The following CYRIA variants were observed in gnomAD, a reference collection of about 807,000 sequenced individuals.
CYRIA encodes the protein CYFIP-related Rac1 interactor A.
A neutral mutation model predicts 43.9 loss-of-function variants in CYRIA; 15 were observed. The ratio of observed to expected loss-of-function variants is 0.34; its 90% CI spans 0.23 to 0.53. CYRIA has a LOEUF of 0.53. Among genes scored for constraint, CYRIA ranks in the 20% least tolerant of loss-of-function variants. The probability of loss-of-function intolerance (pLI) is 0.94; values close to 1 mark genes in which losing one functional copy is unlikely to be tolerated. For missense variants in CYRIA, 236 were observed against 394.2 expected (o/e 0.60, Z 3.40); for synonymous variants, 117 against 136.0 (o/e 0.86, Z 0.97).
chr2:16,638,321 A>G (rs1356513243), intron 1 of CYRIA, among the ~76,000 whole-genome samples: 1 of 152,150 alleles, frequency 6.6e-6, no homozygotes, highest in Admixed American at 6.5e-5. Context: ...ACAGGAAATG[A>G]CGATTAAGTA....
At chr2:16,649,841 G>T (rs941287113) in intron 1 of CYRIA, among the ~76,000 whole-genome samples, 1 of 152,178 alleles carries the variant, frequency 6.6e-6, no homozygotes, top group Non-Finnish European at 1.5e-5. Context: ...GTTGCCAGAT[G>T]ACTTGGATGT....
chr2:16,639,523 G>A (rs1373545884), intron 1 of CYRIA, among the ~76,000 whole-genome samples: 1 of 152,256 alleles, frequency 6.6e-6, no homozygotes, highest in African/African-American at 2.4e-5. Context: ...GCAGCCTGCT[G>A]CCTAAGTACC....
chr2:16,638,136 G>T (rs1478495910), intron 1 of CYRIA, among the ~76,000 whole-genome samples: 1 of 152,164 alleles, frequency 6.6e-6, no homozygotes, highest in Non-Finnish European at 1.5e-5. Flanking sequence ...AGCCTTTGAG[G>T]TTCATTCAGA....
rs188903474 is a variant in CYRIA, at chr2:16,655,629, C to T, written c.-167+10151G>A. On this transcript the variant is annotated intron_variant, in intron 1 of 11. Transcript: ENST00000381323. ...TGAACCTGAAGGAGTTGTAAATGTG[C>T]GGCAACTGGAGCACGGCCTGATCAC... Among the ~76,000 whole-genome samples, 68 of 152,284 alleles carry T rather than the reference C, an allele frequency of 4.5e-4. 1 individual carries two copies. Among genetic ancestry groups the T allele is most frequent in the South Asian group, 2.1e-4 (1 of 4,824 alleles).
chr2:16,561,915 C>T, intron 6 of CYRIA, 90 bp downstream of exon 6: 1 of 1,287,714 alleles, frequency 7.8e-7, no homozygotes, highest in Non-Finnish European at 1.1e-6. Flanking sequence ...CATTTCTCTA[C>T]CCACCCACCC....
At chr2:16,562,571 G>A (rs1016652894) in intron 5 of CYRIA, among the ~76,000 whole-genome samples, 4 of 152,070 alleles carry the variant, frequency 2.6e-5, no homozygotes, top group African/African-American at 9.7e-5. Flanking sequence ...ACTTTTCTCT[G>A]CATCTACATT....
chr2:16,629,198 C>A (rs992944178), intron 1 of CYRIA, among the ~76,000 whole-genome samples: 4 of 152,154 alleles, frequency 2.6e-5, no homozygotes, highest in Non-Finnish European at 4.4e-5. Context: ...AGGGGACAGG[C>A]GCATCTCTAA....
chr2:16,590,197 A>G lies in CYRIA; in HGVS notation c.-10-2068T>C, dbSNP rs112741253. ...GCCTTTATGCCCATTTCCTTTTAAG[A>G]TATTTTTGAGCAAAATCCTGTGTGC... On this transcript the variant is annotated intron_variant, in intron 2 of 11. Transcript: ENST00000381323. Among the ~76,000 whole-genome samples the G allele has an allele frequency of 6.6e-3, 1,002 of 152,170 alleles. 6 individuals are homozygous for G. The highest frequency in any genetic ancestry group is 8.8e-3 in the Non-Finnish European group (597 of 67,980).
rs567968016 is a variant in CYRIA, at chr2:16,590,771, T to A, written c.-10-2642A>T. 5.9e-5 allele frequency among the ~76,000 whole-genome samples: 9 copies of A among 152,248 alleles called. No homozygotes were observed. In the East Asian group the frequency reaches 1.5e-3, roughly 26 times the overall value. On this transcript the variant is annotated intron_variant, in intron 2 of 11. Transcript: ENST00000381323. ...AAGTGTCACCTCTCAAGCAAGGACC[T>A]CTAGAACAATGACTGTGGACACTGT...
At chr2:16,603,343 A>G (rs1668273272) in intron 2 of CYRIA, among the ~76,000 whole-genome samples, 2 of 152,336 alleles carry the variant, frequency 1.3e-5, no homozygotes, top group East Asian at 3.9e-4. Context: ...CAACAACCAT[A>G]TGAAATAGTT....
intron 1 of CYRIA, among the ~76,000 whole-genome samples, chr2:16,634,428 C>T (rs1446364786): frequency 2.0e-5 from 3 of 152,194 alleles, no homozygotes; most frequent in African/African-American, 7.2e-5. Flanking sequence ...TAGTCCCTGC[C>T]CAAGAGACCA....
chr2:16,559,514 G>T lies in CYRIA; in HGVS notation c.783C>A (p.Ile261=). 1 of 1,613,240 alleles carries T rather than the reference G, an allele frequency of 6.2e-7. No homozygotes were observed. ...FCMRVMVGVI[I]LYDHVHPVGA... is the part of the protein sequence containing the mutation. Reference sequence around the variant, plus strand: ...CCACAGGGTGGACATGGTCATAGAGGATGATGACTCCCACCATCACCCTCA... The same window carrying T: ...CCACAGGGTGGACATGGTCATAGAGTATGATGACTCCCACCATCACCCTCA... Residue 261 remains isoleucine, a synonymous_variant, in exon 10 of 12, where the codon ATC becomes ATA. Transcript: ENST00000381323.
chr2:16,580,882 C>T (rs938264373), intron 3 of CYRIA, among the ~76,000 whole-genome samples: 1 of 152,122 alleles, frequency 6.6e-6, no homozygotes, highest in Non-Finnish European at 1.5e-5. Context: ...TCCACCTGTG[C>T]TACTACAATA....
rs192211283 is a variant in CYRIA, at chr2:16,584,777, C to T, written c.70+3273G>A. Among the ~76,000 whole-genome samples the T allele has an allele frequency of 6.8e-4, 104 of 152,284 alleles. 1 individual carries two copies. The highest frequency in any genetic ancestry group is 1.2e-3 in the Non-Finnish European group (81 of 68,020). Reference sequence around the variant, plus strand: ...CCTTTAATCATACTGTTTCCATCTGCTAAAAAACTCTCCCTATCTGTGCCT... The same window carrying T: ...CCTTTAATCATACTGTTTCCATCTGTTAAAAAACTCTCCCTATCTGTGCCT... On this transcript the variant is annotated intron_variant, in intron 3 of 11. Transcript: ENST00000381323.
At chr2:16,599,518 C>T (rs2103474387) in intron 2 of CYRIA, among the ~76,000 whole-genome samples, 1 of 124,170 alleles carries the variant, frequency 8.1e-6, no homozygotes, top group East Asian at 2.3e-4. Flanking sequence ...TCACCCCTTT[C>T]TTTGACTCGG....
chr2:16,560,622 ATCATG>A (rs1427435310), intron 9 of CYRIA: 1 of 235,470 alleles, frequency 4.2e-6, no homozygotes, highest in Non-Finnish European at 8.5e-6. Flanking sequence ...AAACAGTCTT[ATCATG>A]TCAACTCCTG....
At chr2:16,570,001 GAAGGCC>G (rs112164754) in intron 3 of CYRIA, among the ~76,000 whole-genome samples, 3,640 of 152,016 alleles carry the variant, frequency 0.024, 147 homozygotes, top group African/African-American at 0.083. Flanking sequence ...GATCTTTTGA[GAAGGCC>G]ATTGGAGACA....
chr2:16,618,683 G>C (rs1319937882), intron 2 of CYRIA, among the ~76,000 whole-genome samples: 4 of 152,210 alleles, frequency 2.6e-5, no homozygotes, highest in African/African-American at 9.6e-5. Context: ...GTTAGGTTTA[G>C]AGATGATTCT....
chr2:16,561,821 C>A (rs1666744987), intron 6 of CYRIA, among the ~76,000 whole-genome samples, 184 bp downstream of exon 6: 1 of 152,100 alleles, frequency 6.6e-6, no homozygotes, highest in African/African-American at 2.4e-5. Flanking sequence ...ATATACAAAT[C>A]ATCATCTTAA....
Sources: allele counts gnomAD v4.1 joint callset (sites outside exome capture counted in the v4.1 genomes callset), GRCh38; gene constraint gnomAD v4.1.1; transcripts MANE v1.5; gene names NCBI Gene and HGNC (gene_info 2026-07-23, HGNC 2026-07-21).